The following PNPT1 variants were observed in gnomAD, a reference collection of about 807,000 sequenced individuals.
The protein encoded by PNPT1 is polyribonucleotide nucleotidyltransferase 1, mitochondrial.
PNPT1 carries 53 observed loss-of-function variants against 119.5 expected under a neutral mutation model. The ratio of observed to expected loss-of-function variants is 0.44; its 90% CI spans 0.36 to 0.56. The LOEUF is 0.56. PNPT1 is among the 20% of genes least tolerant of loss of function. The pLI is 0.00. For missense variants in PNPT1, 948 were observed against 938.5 expected, an observed-to-expected ratio of 1.01 and a Z score of -0.13; for synonymous variants, 357 against 322.1, an observed-to-expected ratio of 1.11 and a Z score of -1.16.
chr2:55,645,329 C>T lies in PNPT1; in HGVS notation c.1822+20G>A. 1 of 1,570,990 alleles carries T rather than the reference C, an allele frequency of 6.4e-7. No individual in the cohort carries two copies. The highest frequency in any genetic ancestry group is 8.7e-7 in the Non-Finnish European group (1 of 1,144,468). On this transcript the variant is annotated intron_variant, in intron 22 of 27. Coordinates refer to ENST00000447944, the MANE Select transcript of PNPT1 (RefSeq NM_033109.5). ...GTGAGCCACCGCGCCCAGCCGATCA[C>T]TAAAATTTTAATGTATTACCTACAA...
intron 11 of PNPT1, among the ~76,000 whole-genome samples, chr2:55,670,856 A>G (rs1354539037): frequency 6.6e-6 from 1 of 152,204 alleles, no homozygotes; most frequent in Admixed American, 6.6e-5. Context: ...TGCTAGCTAC[A>G]TTCATAGAAG....
At chr2:55,678,126 T>C (rs954485233) in intron 8 of PNPT1, among the ~76,000 whole-genome samples, 2 of 152,312 alleles carry the variant, frequency 1.3e-5, no homozygotes, top group East Asian at 3.9e-4. Context: ...TTGACTCTTA[T>C]CTTCATAACT....
intron 7 of PNPT1, among the ~76,000 whole-genome samples, chr2:55,680,366 C>T (rs1697206382): frequency 6.7e-6 from 1 of 149,018 alleles, no homozygotes; most frequent in Admixed American, 6.7e-5. Flanking sequence ...GAACTTATAA[C>T]AGCCGTAAGT....
rs2104106804 is a variant in PNPT1 at position 55,667,063 on chromosome 2, C to T, written c.1104G>A (p.Arg368=). Residue 368 remains arginine (R), a synonymous_variant, in exon 13 of 28, where the codon AGG becomes AGA. Transcript: ENST00000447944. The part of the protein sequence containing the change: ...RCDGRDLTSL[R]NVSCEVDMFK... ...ACATATCTACCTCACAACTTACATT[C>T]CTAAGTGAAGTCAAATCCCGACCAT... 1.2e-6 allele frequency: 2 copies of T among 1,612,542 alleles called. No homozygotes were observed. The highest frequency in any genetic ancestry group is 1.7e-6 in the Non-Finnish European group (2 of 1,179,302).
At chr2:55,685,622 C>CT (rs1172305563) in intron 3 of PNPT1, among the ~76,000 whole-genome samples, 1 of 151,872 alleles carries the variant, frequency 6.6e-6, no homozygotes, top group Non-Finnish European at 1.5e-5. Flanking sequence ...TCAAACATTG[C>CT]TTTTTTTTGG....
intron 1 of PNPT1, among the ~76,000 whole-genome samples, chr2:55,690,364 T>C (rs1054471234): frequency 6.8e-6 from 1 of 146,534 alleles, no homozygotes; most frequent in African/African-American, 2.5e-5. Context: ...AAGAGAAAGA[T>C]GTTGTGTCAC....
At chr2:55,643,244 T>G in intron 24 of PNPT1, 31 bp from the exon 25 acceptor site, 1 of 1,613,974 alleles carries the variant, frequency 6.2e-7, no homozygotes, top group Non-Finnish European at 8.5e-7. Flanking sequence ...ATAAGATTCA[T>G]AAAGAAAACA....
At chr2:55,641,283 A>T (rs898636965) in intron 25 of PNPT1, among the ~76,000 whole-genome samples, 51 of 100,112 alleles carry the variant, frequency 5.1e-4, no homozygotes, top group Admixed American at 3.0e-3. Flanking sequence ...TTCCAAAAAC[A>T]TTTTTTTTTT....
chr2:55,670,728 G>A (rs928720127), intron 11 of PNPT1, among the ~76,000 whole-genome samples: 1 of 152,000 alleles, frequency 6.6e-6, no homozygotes, highest in African/African-American at 2.4e-5. Flanking sequence ...AATATATTTG[G>A]GTTTTCAAAT....
At chr2:55,671,079 G>C (rs938259421) in intron 11 of PNPT1, among the ~76,000 whole-genome samples, 6 of 152,072 alleles carry the variant, frequency 3.9e-5, no homozygotes, top group Non-Finnish European at 8.8e-5. Context: ...AACAGTTCGG[G>C]GAAGCTTTGG....
rs1245080348 is a variant in PNPT1, at chr2:55,689,673, T to C, written c.162-1968A>G. On this transcript the variant is annotated intron_variant, in intron 1 of 27. Coordinates refer to ENST00000447944, the MANE Select transcript of PNPT1 (RefSeq NM_033109.5). ...AAATCCACAGCGATGGAAAGTAGATTAGTGGTTACCTGGGGCTGGGGAGAA... is the reference window on the plus strand; with the variant it reads ...AAATCCACAGCGATGGAAAGTAGATCAGTGGTTACCTGGGGCTGGGGAGAA... Among the ~76,000 whole-genome samples, 4 of 152,296 alleles carry C rather than the reference T, an allele frequency of 2.6e-5. No individual in the cohort carries two copies. In the East Asian group the frequency reaches 7.7e-4, roughly 29 times the overall value.
chr2:55,651,108 T>C (rs1696176067), intron 18 of PNPT1, among the ~76,000 whole-genome samples: 2 of 142,408 alleles, frequency 1.4e-5, no homozygotes, highest in Non-Finnish European at 3.0e-5. Flanking sequence ...AGCCGCCCCG[T>C]CCGGGAGGTG....
intron 11 of PNPT1, among the ~76,000 whole-genome samples, chr2:55,670,320 G>A (rs1696870676): frequency 6.6e-6 from 1 of 151,992 alleles, no homozygotes; most frequent in Non-Finnish European, 1.5e-5. Context: ...CTGGGTAGCT[G>A]GGACCACAGG....
intron 14 of PNPT1, among the ~76,000 whole-genome samples, chr2:55,660,834 C>A (rs554910289): frequency 2.6e-5 from 4 of 152,208 alleles, no homozygotes; most frequent in African/African-American, 9.6e-5. Flanking sequence ...CTGACCAAGC[C>A]CAGTGTTCTG....
Position 55,667,095 on chromosome 2 carries a change from T to G in PNPT1, c.1074-2A>C. The G allele has an allele frequency of 1.2e-6, 2 of 1,603,888 alleles. No homozygotes were observed. Among genetic ancestry groups the G allele is most frequent in the Non-Finnish European group, 1.7e-6 (2 of 1,171,388 alleles). On this transcript the variant is annotated splice_acceptor_variant, in intron 12 of 27. Coordinates refer to ENST00000447944, the MANE Select transcript of PNPT1 (RefSeq NM_033109.5). LOFTEE classifies it high-confidence loss of function. ...GAAGTCAAATCCCGACCATCGCACC[T>G]ATAGTGATATAGGAAATAAGTACAT...
At chr2:55,657,965 T>C (rs544817698) in intron 15 of PNPT1, among the ~76,000 whole-genome samples, 86 of 139,934 alleles carry the variant, frequency 6.1e-4, no homozygotes, top group African/African-American at 2.1e-3. Flanking sequence ...AGGCCGGGCA[T>C]AGTGGCTTAT....
chr2:55,660,428 A>G (rs968167404), intron 14 of PNPT1, among the ~76,000 whole-genome samples: 2 of 152,210 alleles, frequency 1.3e-5, no homozygotes, highest in South Asian at 4.1e-4. Context: ...TTTAAATATA[A>G]GTCCTTAAAT....
chr2:55,674,555 T>A (rs1489464162), intron 8 of PNPT1, among the ~76,000 whole-genome samples: 1 of 152,146 alleles, frequency 6.6e-6, no homozygotes, highest in Non-Finnish European at 1.5e-5. Flanking sequence ...ATCACGCCAC[T>A]GCACTCTAGC....
chr2:55,636,234 A>AG lies in PNPT1; in HGVS notation c.*2_*3insC. On this transcript the variant is annotated 3_prime_UTR_variant, in exon 28 of 28. Transcript: ENST00000447944. ...ATTCTAGAATTCTCTTTAAAAAAAA[A>AG]AATCACTGAGAATTAGATGATGACT... The AG allele has an allele frequency of 6.2e-7, 1 of 1,602,154 alleles. No homozygotes were observed. The highest frequency in any genetic ancestry group is 8.5e-7 in the Non-Finnish European group (1 of 1,173,782).
Sources: gnomAD v4.1 joint callset for allele counts (sites outside exome capture counted in the v4.1 genomes callset) on GRCh38, gnomAD v4.1.1 for gene constraint, MANE v1.5 for transcripts, NCBI Gene and HGNC (gene_info 2026-07-23, HGNC 2026-07-21) for gene names.